The following MICU3 variants were observed in gnomAD, a reference collection of about 807,000 sequenced individuals.
MICU3 encodes calcium uptake protein 3, mitochondrial.
In MICU3, 62 loss-of-function variants were observed where a neutral mutation model predicts 66.5. The observed-to-expected ratio is 0.93, with a 90% CI of 0.76 to 1.15. The LOEUF is 1.15. Among genes scored for constraint, MICU3 ranks in the 50% most tolerant of loss-of-function variants. MICU3 has a pLI of 0.00. For synonymous variants in MICU3, 308 were observed against 240.7 expected (o/e 1.28, Z -2.59); for missense variants, 779 against 664.4 (o/e 1.17, Z -1.90).
Position 17,077,844 on chromosome 8 carries a change from G to A in MICU3, c.629G>A (p.Arg210Gln), listed in dbSNP as rs565232734. 95 of 1,610,250 alleles carry A rather than the reference G, an allele frequency of 5.9e-5. No individual in the cohort carries two copies. The highest frequency in any genetic ancestry group is 5.0e-4 in the Admixed American group (30 of 59,810). The stretch of plus-strand genomic sequence containing the variant: ...TGGAAAGGCTCATCGAAGCTATTTC[G>A]AAATCTTAAAGAAAAAGGTGAGTTA... The part of the protein sequence containing the change: ...PVWKGSSKLF[R>Q]NLKEKGVISY... The change falls in exon 4 of 15, where the codon CGA becomes CAA. Residue 210 changes from arginine to glutamine, a missense_variant. Coordinates refer to ENST00000318063, the MANE Select transcript of MICU3 (RefSeq NM_181723.3).
chr8:17,112,177 C>G (rs1802264410), intron 11 of MICU3, among the ~76,000 whole-genome samples: 1 of 152,300 alleles, frequency 6.6e-6, no homozygotes, highest in Non-Finnish European at 1.5e-5. Flanking sequence ...GGTGGGGACA[C>G]AGAGCCAAAC....
chr8:17,092,609 C>G (rs1375614497), intron 8 of MICU3, among the ~76,000 whole-genome samples: 1 of 151,810 alleles, frequency 6.6e-6, no homozygotes, highest in East Asian at 1.9e-4. Flanking sequence ...TTTTTCAACT[C>G]CTCTATGAGT....
chr8:17,115,410 T>C (rs1226974210), intron 12 of MICU3, among the ~76,000 whole-genome samples: 2 of 152,204 alleles, frequency 1.3e-5, no homozygotes, highest in East Asian at 3.9e-4. Flanking sequence ...ACTGCTGTGA[T>C]AAATCTCATC....
intron 1 of MICU3, among the ~76,000 whole-genome samples, chr8:17,035,725 T>C (rs1812858355): frequency 6.6e-6 from 1 of 152,154 alleles, no homozygotes; most frequent in African/African-American, 2.4e-5. Flanking sequence ...TGGTTTGGAA[T>C]TGGAAGTTAT....
At chr8:17,100,345 A>T (rs1421171827) in intron 9 of MICU3, among the ~76,000 whole-genome samples, 1 of 151,838 alleles carries the variant, frequency 6.6e-6, no homozygotes, top group Non-Finnish European at 1.5e-5. Context: ...GGAGACAATC[A>T]AGAAAGGAAA....
chr8:17,091,381 A>C (rs530981228), intron 8 of MICU3, among the ~76,000 whole-genome samples: 2 of 152,148 alleles, frequency 1.3e-5, no homozygotes, highest in East Asian at 3.9e-4. Flanking sequence ...GGATCCCTCA[A>C]TTTTTGCAAA....
chr8:17,082,355 C>T (rs747420641), intron 5 of MICU3, among the ~76,000 whole-genome samples: 35 of 152,096 alleles, frequency 2.3e-4, no homozygotes, highest in Non-Finnish European at 4.0e-4. Flanking sequence ...TCAAGATCCC[C>T]GTGATAATAA....
At chr8:17,090,490 A>G in intron 7 of MICU3, 56 bp from the exon 8 acceptor site, 2 of 1,493,932 alleles carry the variant, frequency 1.3e-6, no homozygotes, top group Non-Finnish European at 1.8e-6. Flanking sequence ...CTTTTGCTGT[A>G]CTTGGGTTCA....
At chr8:17,113,005 G>GT (rs1218044666) in intron 11 of MICU3, among the ~76,000 whole-genome samples, 1 of 152,218 alleles carries the variant, frequency 6.6e-6, no homozygotes, top group African/African-American at 2.4e-5. Context: ...AATGATCAAT[G>GT]TAAGGAAAGG....
At chr8:17,117,429 T>A (rs116702931) in intron 13 of MICU3, among the ~76,000 whole-genome samples, 2 of 151,986 alleles carry the variant, frequency 1.3e-5, no homozygotes, top group African/African-American at 2.4e-5. Context: ...AATTCAGTGA[T>A]TTTTTTCCCC....
chr8:17,066,634 C>A (rs1008430073), intron 2 of MICU3, among the ~76,000 whole-genome samples: 2 of 149,828 alleles, frequency 1.3e-5, no homozygotes, highest in Non-Finnish European at 3.0e-5. Flanking sequence ...CCTCAACCTC[C>A]GAGGCTCAAG....
chr8:17,134,138 C>T, the MICU3 span: 1 of 152,072 alleles, frequency 6.6e-6, no homozygotes, highest in Non-Finnish European at 1.5e-5. Flanking sequence ...TATTATGGTT[C>T]TCCAGAGAAA....
At chr8:17,104,851 C>T (rs1003984383) in intron 10 of MICU3, among the ~76,000 whole-genome samples, 1 of 84,108 alleles carries the variant, frequency 1.2e-5, no homozygotes, top group Non-Finnish European at 2.0e-5. Context: ...AAAAATTAGC[C>T]GGGCGTGGTA....
At chr8:17,088,208 A>G (rs976471861) in intron 7 of MICU3, among the ~76,000 whole-genome samples, 5 of 152,002 alleles carry the variant, frequency 3.3e-5, no homozygotes, top group Non-Finnish European at 5.9e-5. Flanking sequence ...GTCATTGAAC[A>G]TCCCTCAGTA....
chr8:17,058,311 A>G (rs1003755844), intron 1 of MICU3, among the ~76,000 whole-genome samples: 4 of 152,212 alleles, frequency 2.6e-5, no homozygotes, highest in Admixed American at 6.5e-5. Flanking sequence ...GGTATTTAAA[A>G]TGAAGTAGCT....
intron 1 of MICU3, among the ~76,000 whole-genome samples, chr8:17,042,176 A>G (rs1372558600): frequency 6.6e-6 from 1 of 152,168 alleles, no homozygotes. Flanking sequence ...ATCTGATCTA[A>G]TTAGTACTTT....
the MICU3 span, among the ~76,000 whole-genome samples, chr8:17,129,110 G>T: frequency 2.0e-5 from 3 of 152,142 alleles, no homozygotes; most frequent in Non-Finnish European, 2.9e-5. Flanking sequence ...GACAACTCTT[G>T]ACCTATCCTA....
At chr8:17,126,116 G>T (rs1803400112), downstream of MICU3, among the ~76,000 whole-genome samples, 1 of 151,994 alleles carries the variant, frequency 6.6e-6, no homozygotes, top group East Asian at 1.9e-4. Context: ...AGATCCAGGG[G>T]GATGAGTTTC....
chr8:17,073,712 A>C (rs1485383809), intron 3 of MICU3, among the ~76,000 whole-genome samples: 1 of 152,186 alleles, frequency 6.6e-6, no homozygotes, highest in African/African-American at 2.4e-5. Context: ...GTGTTTCCTG[A>C]ACATCAATTG....
Sources: gnomAD v4.1 joint callset for allele counts (sites outside exome capture counted in the v4.1 genomes callset) on GRCh38, gnomAD v4.1.1 for gene constraint, MANE v1.5 for transcripts, NCBI Gene and HGNC (gene_info 2026-07-23, HGNC 2026-07-21) for gene names.